ADGRD2: variants seen among roughly 807,000 people sequenced by gnomAD.
ADGRD2 encodes G protein-coupled receptor PGR24.
In ADGRD2, 71 loss-of-function variants were observed where a neutral mutation model predicts 44.4. The ratio of observed to expected loss-of-function variants is 1.60; its 90% confidence interval spans 1.32 to 1.95. The LOEUF (loss-of-function observed/expected upper bound fraction) is 1.95. ADGRD2 is among the 30% of genes most tolerant of loss of function. The pLI is 0.00. For missense variants in ADGRD2, 1,039 were observed against 512.4 expected (o/e 2.03, Z -9.92); for synonymous variants, 481 against 224.8 (o/e 2.14, Z -10.19).
intron 14 of ADGRD2, 28 bp from the exon 18 acceptor site, chr9:124,469,194 C>T (rs1278713072): frequency 2.9e-6 from 2 of 697,360 alleles, no homozygotes; most frequent in South Asian, 3.0e-5. Flanking sequence ...GGTGACCCAG[C>T]CTTGAGGCCC....
chr9:124,468,035 G>C (rs1308525222), intron 12 of ADGRD2, 53 bp from the exon 16 acceptor site: 1 of 718,058 alleles, frequency 1.4e-6, no homozygotes, highest in African/African-American at 1.7e-5. Context: ...GCCCTACGGG[G>C]TGTGGGGACC....
chr9:124,468,339 G>A (rs1293136373), intron 13 of ADGRD2, 149 bp downstream of exon 16: 8 of 674,752 alleles, frequency 1.2e-5, no homozygotes, highest in Admixed American at 2.1e-5. Flanking sequence ...AGGGCCCCGG[G>A]AGGAAAGGGC....
intron 3 of ADGRD2, 53 bp downstream of exon 6, chr9:124,453,729 C>G (rs564742321): frequency 1.4e-5 from 9 of 658,860 alleles, no homozygotes; most frequent in Admixed American, 6.6e-5. Context: ...CCTTCCCTTC[C>G]GACCCTGGAA....
At chr9:124,456,470 C>G (rs892797785) in intron 6 of ADGRD2, among the ~76,000 whole-genome samples, 152 bp from the exon 10 acceptor site, 1 of 152,176 alleles carries the variant, frequency 6.6e-6, no homozygotes. Context: ...CCTGAGGACC[C>G]AGGACTTGAT....
chr9:124,462,846 A>G (rs1831746001), intron 10 of ADGRD2, among the ~76,000 whole-genome samples: 2 of 152,132 alleles, frequency 1.3e-5, no homozygotes. Context: ...CAATAAAGGC[A>G]GTTTTTGTTT....
chr9:124,475,807 A>C (rs1027530489), intron 19 of ADGRD2, among the ~76,000 whole-genome samples, 192 bp downstream of exon 22: 6 of 152,268 alleles, frequency 3.9e-5, no homozygotes, highest in Non-Finnish European at 8.8e-5. Flanking sequence ...CGTGGCTCTC[A>C]GAGGTACTCG....
chr9:124,461,274 G>C (rs1208606097), intron 10 of ADGRD2, among the ~76,000 whole-genome samples: 4 of 152,112 alleles, frequency 2.6e-5, no homozygotes. Flanking sequence ...AGTATCTTTG[G>C]AAGATAAGTT....
rs1022256754 is a variant in ADGRD2 at position 124,456,149 on chromosome 9, G to A, written c.1394-473G>A. On this transcript the variant is annotated intron_variant, in intron 6 of 21. Coordinates refer to ENST00000334810, the Ensembl canonical transcript of ADGRD2. ...TTCCCTGGGGAATAGGGATGATCAC[G>A]CCAGCCTTGCTAAGGCAATGGAGAG... Among the ~76,000 whole-genome samples the A allele has an allele frequency of 3.3e-5, 5 of 152,334 alleles. 1 individual carries two copies. In the Middle Eastern group the frequency reaches 0.01, roughly 311 times the overall value.
chr9:124,460,296 G>C (rs113654716), intron 10 of ADGRD2, among the ~76,000 whole-genome samples: 14 of 149,188 alleles, frequency 9.4e-5, no homozygotes, highest in African/African-American at 3.5e-4. Context: ...TCCGCCCCCC[G>C]GGTCCAAGCC....
chr9:124,454,698 C>A lies in ADGRD2; in HGVS notation c.1108+129C>A. On this transcript the variant is annotated intron_variant, in intron 5 of 21. Coordinates refer to ENST00000334810, the Ensembl canonical transcript of ADGRD2. The surrounding 1 kb of genome is among the most constrained non-coding windows in gnomAD (Gnocchi z 4.5). ...CAGGAATAAAGGCCATTCAGGCTCC[C>A]TATTCTGTAGCCCCTGAGAGTTGGC... 1.6e-6 allele frequency: 1 copy of A among 634,026 alleles called. No individual in the cohort carries two copies. Among genetic ancestry groups the A allele is most frequent in the Non-Finnish European group, 2.9e-6 (1 of 346,450 alleles). 39.3% of individuals were successfully genotyped at this position (634,026 alleles called of 1,614,324 possible).
chr9:124,451,228 G>A, upstream of ADGRD2: 1 of 471,550 alleles, frequency 2.1e-6, no homozygotes, highest in Non-Finnish European at 4.4e-6. Flanking sequence ...GCAGAGGCCT[G>A]ATGAAGCAGA....
chr9:124,476,075 G>A (rs1832044730), intron 19 of ADGRD2, among the ~76,000 whole-genome samples: 1 of 152,162 alleles, frequency 6.6e-6, no homozygotes, highest in South Asian at 2.1e-4. Context: ...GGGTTTGGGG[G>A]ACTCCTGCAG....
chr9:124,463,544 G>C (rs1831757074), intron 10 of ADGRD2, among the ~76,000 whole-genome samples: 1 of 152,206 alleles, frequency 6.6e-6, no homozygotes, highest in African/African-American at 2.4e-5. Context: ...TGTTTGATCA[G>C]CTTCTCCAGT....
intron 3 of ADGRD2, 49 bp downstream of exon 6, chr9:124,453,725 C>G (rs1450459660): frequency 1.5e-6 from 1 of 663,862 alleles, no homozygotes. Context: ...GAATCCTTCC[C>G]TTCCGACCCT....
intron 10 of ADGRD2, among the ~76,000 whole-genome samples, chr9:124,461,600 T>G (rs1831722426): frequency 6.6e-6 from 1 of 152,160 alleles, no homozygotes; most frequent in South Asian, 2.1e-4. Context: ...TATGTGTAGA[T>G]CTATTTCTGG....
chr9:124,455,735 C>A, intron 6 of ADGRD2, among the ~76,000 whole-genome samples: 1 of 152,166 alleles, frequency 6.6e-6, no homozygotes, highest in East Asian at 1.9e-4. Context: ...GACAGTCCAC[C>A]TTGTCTGCCT....
rs2131233094 is a variant in ADGRD2, at chr9:124,456,643, C to CT, written c.1416dup (p.Val474GlyfsTer67). 1.4e-6 allele frequency: 1 copy of CT among 718,074 alleles called. No individual in the cohort carries two copies. The highest frequency in any genetic ancestry group is 1.5e-5 in the South Asian group (1 of 67,602). The allele number at this position is 718,074 out of a possible 1,614,324, so 44.5% of individuals were successfully genotyped here. A position where few individuals can be genotyped will look rare whatever the true frequency, so the allele number is the denominator to read the frequency against. On this transcript the variant is annotated frameshift_variant, in exon 7 of 22. Coordinates refer to ENST00000334810, the Ensembl canonical transcript of ADGRD2. LOFTEE classifies it high-confidence loss of function. ...CCAGGTGATTGGTGGGCCTATGGCC[C>CT]TGGTGGCGAGTGTGCAGCGCCTGGC...
intron 12 of ADGRD2, 88 bp from the exon 16 acceptor site, chr9:124,468,000 G>C: frequency 1.4e-6 from 1 of 714,464 alleles, no homozygotes; most frequent in Non-Finnish European, 2.6e-6. Context: ...CATCTGCCCA[G>C]GCACAGGGGA....
chr9:124,458,072 A>G, intron 8 of ADGRD2, 41 bp from the exon 12 acceptor site: 3 of 717,238 alleles, frequency 4.2e-6, no homozygotes, highest in East Asian at 2.7e-5. Flanking sequence ...GTGCTTGCCC[A>G]GCCACCGGGT....
Sources: gnomAD v4.1 joint callset for allele counts (sites outside exome capture counted in the v4.1 genomes callset) on GRCh38, gnomAD v4.1.1 for gene constraint, Gnocchi (gnomAD v3.1) non-coding constraint, MANE v1.5 for transcripts, NCBI Gene and HGNC (gene_info 2026-07-23, HGNC 2026-07-21) for gene names.